The following PCDHGA7 variants were observed in gnomAD, a reference collection of about 807,000 sequenced individuals.
PCDHGA7 encodes the protein protocadherin gamma-A7.
Under a neutral mutation model 58.3 loss-of-function variants are expected in PCDHGA7, and 44 were observed. That is an observed-to-expected ratio of 0.75 (90% CI 0.59 to 0.97). The LOEUF (loss-of-function observed/expected upper bound fraction) is 0.97. PCDHGA7 is among the 50% of genes least tolerant of loss of function. The pLI is 0.00. For missense variants in PCDHGA7, 1,266 were observed against 1,188.7 expected (o/e 1.06, Z -0.96); for synonymous variants, 516 against 504.2 (o/e 1.02, Z -0.31).
intron 2 of PCDHGA7, among the ~76,000 whole-genome samples, chr5:141,503,595 G>T (rs6892628): frequency 0.52 from 72,995 of 139,870 alleles, 19,322 homozygotes; most frequent in African/African-American, 0.64. Flanking sequence ...CGAGACTCCA[G>T]CTCAAAAAAA....
chr5:141,471,972 T>C (rs952480654), intron 1 of PCDHGA7, among the ~76,000 whole-genome samples: 1 of 152,212 alleles, frequency 6.6e-6, no homozygotes, highest in South Asian at 2.1e-4. Context: ...GTTGCATTAC[T>C]GTATAAATTT....
chr5:141,453,870 C>A (rs932804656), intron 1 of PCDHGA7, among the ~76,000 whole-genome samples: 2 of 152,146 alleles, frequency 1.3e-5, no homozygotes, highest in African/African-American at 4.8e-5. Context: ...AACAGATGAG[C>A]AAAATAATGT....
At chr5:141,414,042 T>A (rs758538745) in intron 1 of PCDHGA7, 1 of 1,611,324 alleles carries the variant, frequency 6.2e-7, no homozygotes, top group South Asian at 1.1e-5. Flanking sequence ...GAAAATTACC[T>A]GACACGCAAT....
At chr5:141,399,971 T>C in intron 1 of PCDHGA7, 1 of 1,612,208 alleles carries the variant, frequency 6.2e-7, no homozygotes, top group Non-Finnish European at 8.5e-7. Flanking sequence ...CTCTTCAGCC[T>C]GGGGCTGCGC....
At chr5:141,499,625 C>A (rs1238895570) in intron 2 of PCDHGA7, among the ~76,000 whole-genome samples, 1 of 149,832 alleles carries the variant, frequency 6.7e-6, no homozygotes, top group East Asian at 2.0e-4. Flanking sequence ...TCCTTGGATT[C>A]TTTTGAAGCA....
chr5:141,397,245 G>A (rs2093494919), intron 1 of PCDHGA7, among the ~76,000 whole-genome samples: 1 of 152,148 alleles, frequency 6.6e-6, no homozygotes, highest in African/African-American at 2.4e-5. Flanking sequence ...CAACGTAGTA[G>A]GGTATATCAT....
chr5:141,403,273 A>C, intron 1 of PCDHGA7: 1 of 1,613,886 alleles, frequency 6.2e-7, no homozygotes, highest in African/African-American at 1.3e-5. Context: ...TGAACTTTAA[A>C]GTCCTGGTTG....
chr5:141,425,566 G>T (rs532293951), intron 1 of PCDHGA7, among the ~76,000 whole-genome samples: 1 of 152,348 alleles, frequency 6.6e-6, no homozygotes, highest in Admixed American at 6.5e-5. Context: ...TAAGTGATAA[G>T]AAGGGTTTGG....
At chr5:141,415,266 G>T in intron 1 of PCDHGA7, 1 of 1,614,218 alleles carries the variant, frequency 6.2e-7, no homozygotes, top group Non-Finnish European at 8.5e-7. Flanking sequence ...CTCTGTACCT[G>T]GTGGTAGCGG....
At chr5:141,492,710 G>A (rs11953270) in intron 1 of PCDHGA7, among the ~76,000 whole-genome samples, 27,341 of 152,278 alleles carry the variant, frequency 0.18, 2,647 homozygotes, top group Admixed American at 0.28. Flanking sequence ...GAAGCCTCGA[G>A]CAGGCGGACA....
intron 1 of PCDHGA7, chr5:141,395,206 A>T: frequency 1.9e-6 from 3 of 1,613,736 alleles, no homozygotes; most frequent in Non-Finnish European, 2.5e-6. Flanking sequence ...GTAGATTTTC[A>T]TGAATATAAG....
intron 2 of PCDHGA7, among the ~76,000 whole-genome samples, chr5:141,501,333 A>ACACACC (rs1186649373): frequency 1.5e-4 from 21 of 140,134 alleles, no homozygotes; most frequent in African/African-American, 3.4e-4. Flanking sequence ...ACACACACAC[A>ACACACC]CCCCAAACTC....
At chr5:141,453,379 C>T (rs980792532) in intron 1 of PCDHGA7, among the ~76,000 whole-genome samples, 1 of 152,050 alleles carries the variant, frequency 6.6e-6, no homozygotes, top group Non-Finnish European at 1.5e-5. Context: ...AGTGATCCTC[C>T]TGCCTTAGCC....
intron 1 of PCDHGA7, among the ~76,000 whole-genome samples, chr5:141,387,483 C>G (rs771352001): frequency 6.6e-6 from 1 of 152,204 alleles, no homozygotes; most frequent in Non-Finnish European, 1.5e-5. Flanking sequence ...GGGATGAAGG[C>G]ATTCCTAAGA....
In PCDHGA7 at chr5:141,476,908, A is replaced by G. The variant is rs754076231; in HGVS notation, c.2425-17899A>G. 6.2e-7 allele frequency: 1 copy of G among 1,614,050 alleles called. No individual in the cohort carries two copies. The highest frequency in any genetic ancestry group is 8.5e-7 in the Non-Finnish European group (1 of 1,180,038). On this transcript the variant is annotated intron_variant, in intron 1 of 3. Coordinates refer to ENST00000518325, the MANE Select transcript of PCDHGA7 (RefSeq NM_018920.4). This position sits in a 1 kb window ranked among gnomAD's most constrained non-coding sequence, Gnocchi z 7.6. ...ATGCACCCTCCGGCACGCGCGTGGT[A>G]CAAGTCCTTGCAACGGATCTGGATG...
chr5:141,386,155 C>G (rs763846568), intron 1 of PCDHGA7, among the ~76,000 whole-genome samples: 1 of 152,160 alleles, frequency 6.6e-6, no homozygotes, highest in Non-Finnish European at 1.5e-5. Flanking sequence ...AACTGTCTCA[C>G]GTACTCAAAC....
intron 1 of PCDHGA7, chr5:141,420,309 A>G (rs1263620304): frequency 2.7e-6 from 4 of 1,460,536 alleles, no homozygotes; most frequent in Non-Finnish European, 3.7e-6. Context: ...TCCTTTTTAT[A>G]TTACAATATG....
intron 1 of PCDHGA7, among the ~76,000 whole-genome samples, chr5:141,456,306 G>A (rs937409031): frequency 4.6e-5 from 7 of 152,158 alleles, no homozygotes; most frequent in Admixed American, 2.6e-4. Context: ...GAGAACAGCA[G>A]CTAGGGCTCC....
At chr5:141,463,955 A>G (rs2154568299) in intron 1 of PCDHGA7, among the ~76,000 whole-genome samples, 1 of 152,288 alleles carries the variant, frequency 6.6e-6, no homozygotes, top group Middle Eastern at 3.4e-3. Flanking sequence ...CTTCATTTTT[A>G]AAATAGCTTC....
Sources: allele counts gnomAD v4.1 joint callset (sites outside exome capture counted in the v4.1 genomes callset), GRCh38; gene constraint gnomAD v4.1.1; non-coding constraint Gnocchi (gnomAD v3.1); transcripts MANE v1.5; gene names NCBI Gene and HGNC (gene_info 2026-07-23, HGNC 2026-07-21).